HOOK3: variants seen among roughly 807,000 people sequenced by gnomAD.
HOOK3 encodes protein Hook homolog 3.
HOOK3 carries 24 observed loss-of-function variants against 116.3 expected under a neutral mutation model. The observed-to-expected ratio is 0.21, with a 90% confidence interval of 0.15 to 0.29. The LOEUF is 0.29. HOOK3 is among the 10% of genes least tolerant of loss of function. The probability of loss-of-function intolerance (pLI) is 1.00; values close to 1 mark genes in which losing one functional copy is unlikely to be tolerated. For synonymous variants in HOOK3, 275 were observed against 283.0 expected, an observed-to-expected ratio of 0.97 and a Z score of 0.28; for missense variants, 632 against 830.2, an observed-to-expected ratio of 0.76 and a Z score of 2.93.
At chr8:42,939,155 C>G (rs538303830) in intron 4 of HOOK3, among the ~76,000 whole-genome samples, 3 of 152,246 alleles carry the variant, frequency 2.0e-5, no homozygotes, top group East Asian at 1.9e-4. Flanking sequence ...ATTTCTCACT[C>G]TTTTCCCCAC....
intron 11 of HOOK3, 120 bp downstream of exon 11, chr8:42,968,334 A>G (rs1361245815): frequency 2.0e-5 from 14 of 695,230 alleles, no homozygotes. Context: ...TCTTTATTGT[A>G]TTGATTCATT....
intron 9 of HOOK3, among the ~76,000 whole-genome samples, chr8:42,965,778 A>G (rs1808622463): frequency 6.6e-6 from 1 of 152,092 alleles, no homozygotes; most frequent in African/African-American, 2.4e-5. Context: ...AAAAAGTAAT[A>G]AACTTTTCTT....
At chr8:42,947,468 G>A (rs2130391814) in intron 5 of HOOK3, among the ~76,000 whole-genome samples, 1 of 152,220 alleles carries the variant, frequency 6.6e-6, no homozygotes, top group African/African-American at 2.4e-5. Context: ...ATTCCTGTGG[G>A]AAAGAAGATA....
rs1049276313 is a variant in HOOK3, at chr8:43,024,609, A to G, written c.*6111A>G. ...TGTTTTATATCATGAAGTTTTTTCT[A>G]TGAGGAAGGCTATTCTCAATGTATC... is the stretch of plus-strand genomic sequence containing the variant. On this transcript the variant is annotated 3_prime_UTR_variant, in exon 22 of 22. Transcript: ENST00000307602. 11 of 185,050 alleles carry G rather than the reference A, an allele frequency of 5.9e-5. No homozygotes were observed. Among genetic ancestry groups the G allele is most frequent in the Non-Finnish European group, 1.0e-4 (9 of 87,342 alleles). 11.5% of individuals were successfully genotyped at this position (185,050 alleles called of 1,614,324 possible). A position where few individuals can be genotyped will look rare whatever the true frequency, so the allele number is the denominator to read the frequency against.
At chr8:42,974,319 G>C in intron 13 of HOOK3, 125 bp downstream of exon 13, 1 of 604,656 alleles carries the variant, frequency 1.7e-6, no homozygotes, top group Non-Finnish European at 3.0e-6. Context: ...CTGCCTCCTG[G>C]AACCTCTGCC....
Position 42,897,068 on chromosome 8 carries a change from C to T in HOOK3, c.-64C>T, listed in dbSNP as rs1004791376. On this transcript the variant is annotated 5_prime_UTR_variant, in exon 1 of 22. Transcript: ENST00000307602. ...GAGTCAGCTGCGCGGGCCCCCGGAT[C>T]CCCCGACAGAGCGGCGGCGGTGTCT... The T allele has an allele frequency of 6.7e-5, 80 of 1,190,458 alleles. 5 individuals are homozygous for T. Among genetic ancestry groups the T allele is most frequent in the South Asian group, 3.0e-4 (7 of 23,540 alleles). 73.7% of individuals were successfully genotyped at this position (1,190,458 alleles called of 1,614,324 possible).
In HOOK3 at chr8:43,027,507, A is replaced by G. The variant is rs544225731; in HGVS notation, c.*9009A>G. 13 of 431,066 alleles carry G rather than the reference A, an allele frequency of 3.0e-5. No individual in the cohort carries two copies. Among genetic ancestry groups the G allele is most frequent in the African/African-American group, 2.4e-4 (12 of 49,210 alleles). The allele number at this position is 431,066 out of a possible 1,614,324, so 26.7% of individuals were successfully genotyped here. ...TTCTACTGACGTGCTTTGCATGAGAAGCTCATCTAGAAGAGAGCAACGCTG... is the reference window on the plus strand; with the variant it reads ...TTCTACTGACGTGCTTTGCATGAGAGGCTCATCTAGAAGAGAGCAACGCTG... On this transcript the variant is annotated 3_prime_UTR_variant, in exon 22 of 22. Transcript: ENST00000307602.
At chr8:42,983,843 A>C (rs1808998112) in intron 14 of HOOK3, among the ~76,000 whole-genome samples, 1 of 152,154 alleles carries the variant, frequency 6.6e-6, no homozygotes, top group Non-Finnish European at 1.5e-5. Flanking sequence ...GGGAGACACC[A>C]ATTGTCCATT....
chr8:42,902,828 C>T (rs1807218250), intron 1 of HOOK3, among the ~76,000 whole-genome samples: 1 of 152,134 alleles, frequency 6.6e-6, no homozygotes, highest in South Asian at 2.1e-4. Flanking sequence ...AAGTGGCGTC[C>T]ACTGAGGGCT....
chr8:43,005,214 A>ATAATTTTTT (rs1809459430), intron 17 of HOOK3, among the ~76,000 whole-genome samples: 40 of 63,174 alleles, frequency 6.3e-4, no homozygotes, highest in East Asian at 2.1e-3. Flanking sequence ...TATATATATA[A>ATAATTTTTT]TTTTTTTTTT....
In HOOK3 at chr8:42,897,099, G is replaced by A; in HGVS notation, c.-33G>A. On this transcript the variant is annotated 5_prime_UTR_variant, in exon 1 of 22. Transcript: ENST00000307602. ...ACAGAGCGGCGGCGGTGTCTGGCCA[G>A]GCGGTAGGCGCTGCCTGGCCGCGGC... 8.1e-7 allele frequency: 1 copy of A among 1,240,890 alleles called. No homozygotes were observed. The highest frequency in any genetic ancestry group is 1.0e-6 in the Non-Finnish European group (1 of 988,040). 76.9% of individuals were successfully genotyped at this position (1,240,890 alleles called of 1,614,324 possible).
At chr8:42,964,839 GA>G (rs566582262) in intron 9 of HOOK3, among the ~76,000 whole-genome samples, 151 of 147,176 alleles carry the variant, frequency 1.0e-3, no homozygotes, top group East Asian at 6.5e-3. Flanking sequence ...AAAAAAAAAA[GA>G]AAAAAAAAAT....
chr8:42,952,908 A>G (rs908596067), intron 6 of HOOK3, among the ~76,000 whole-genome samples: 1 of 152,110 alleles, frequency 6.6e-6, no homozygotes, highest in Admixed American at 6.5e-5. Context: ...CAGGAACCCA[A>G]CTTTCTTCCA....
At chr8:42,981,260 T>G (rs1351769926) in intron 13 of HOOK3, among the ~76,000 whole-genome samples, 1 of 151,670 alleles carries the variant, frequency 6.6e-6, no homozygotes, top group Non-Finnish European at 1.5e-5. Flanking sequence ...ACCTTGTTGT[T>G]CAGGCTGGTC....
chr8:42,982,579 G>T, intron 13 of HOOK3, 48 bp from the exon 14 acceptor site: 1 of 1,306,062 alleles, frequency 7.7e-7, no homozygotes, highest in Non-Finnish European at 1.1e-6. Context: ...CGAAAGTTGT[G>T]TAACTGTGTT....
Position 43,019,474 on chromosome 8 carries a change from T to TG in HOOK3, c.*976_*977insG. The TG allele has an allele frequency of 4.8e-6, 1 of 207,622 alleles. No individual in the cohort carries two copies. Among genetic ancestry groups the TG allele is most frequent in the East Asian group, 7.5e-5 (1 of 13,390 alleles). The allele number at this position is 207,622 out of a possible 1,614,324, so 12.9% of individuals were successfully genotyped here. ...ATAAACCCTTCCATTTTTTAACAAT[T>TG]CCTAACACTTGATATCTTAATATCA... On this transcript the variant is annotated 3_prime_UTR_variant, in exon 22 of 22. Coordinates refer to ENST00000307602, the MANE Select transcript of HOOK3 (RefSeq NM_032410.4).
intron 2 of HOOK3, among the ~76,000 whole-genome samples, chr8:42,919,691 G>T (rs545605284): frequency 9.0e-4 from 137 of 152,324 alleles, no homozygotes; most frequent in African/African-American, 3.1e-3. Flanking sequence ...CTGCAATCCC[G>T]GCACCTCGGG....
chr8:42,967,083 C>G (rs1207870454), intron 10 of HOOK3, among the ~76,000 whole-genome samples: 1 of 152,042 alleles, frequency 6.6e-6, no homozygotes, highest in South Asian at 2.1e-4. Context: ...TCTCAACCAT[C>G]TACATTTTCC....
intron 2 of HOOK3, among the ~76,000 whole-genome samples, chr8:42,906,858 C>T (rs183891522): frequency 6.6e-6 from 1 of 152,246 alleles, no homozygotes; most frequent in African/African-American, 2.4e-5. Context: ...TTATGTTGAA[C>T]CATATGAAAT....
Sources: gnomAD v4.1 joint callset for allele counts (sites outside exome capture counted in the v4.1 genomes callset) on GRCh38, gnomAD v4.1.1 for gene constraint, MANE v1.5 for transcripts, NCBI Gene and HGNC (gene_info 2026-07-23, HGNC 2026-07-21) for gene names.